The following CDH13 variants were observed in gnomAD, a reference collection of about 807,000 sequenced individuals.
CDH13 encodes cadherin 13.
A neutral mutation model predicts 63.8 loss-of-function variants in CDH13; 24 were observed. The ratio of observed to expected loss-of-function variants is 0.38; its 90% CI spans 0.27 to 0.53. CDH13 has a LOEUF of 0.53. Among genes scored for constraint, CDH13 ranks in the 20% least tolerant of loss-of-function variants. The pLI, the probability that CDH13 is intolerant of heterozygous loss-of-function variation, is 0.85. For missense variants in CDH13, 1,049 were observed against 903.1 expected, an observed-to-expected ratio of 1.16 and a Z score of -2.07; for synonymous variants, 503 against 355.3, an observed-to-expected ratio of 1.42 and a Z score of -4.67.
chr16:83,172,014 T>C (rs2037940316), intron 4 of CDH13, among the ~76,000 whole-genome samples: 1 of 152,112 alleles, frequency 6.6e-6, no homozygotes, highest in Non-Finnish European at 1.5e-5. Context: ...TCTACCAAAA[T>C]TCGTATGTTG....
At chr16:83,341,312 A>G (rs1255023834) in intron 5 of CDH13, among the ~76,000 whole-genome samples, 2 of 152,198 alleles carry the variant, frequency 1.3e-5, no homozygotes, top group Non-Finnish European at 2.9e-5. Flanking sequence ...ATACTGGAGG[A>G]TGCGCTGGAA....
At chr16:83,233,247 G>T (rs1300632698) in intron 5 of CDH13, among the ~76,000 whole-genome samples, 1 of 152,196 alleles carries the variant, frequency 6.6e-6, no homozygotes, top group Non-Finnish European at 1.5e-5. Flanking sequence ...TACCCTAGGA[G>T]TCTGTTTTGC....
chr16:83,506,629 G>C lies in CDH13; in HGVS notation c.960+19974G>C, dbSNP rs150205143. ...CACCTCATGGTACCCATGCTCCTGC[G>C]TGGTCCCCTCCCACATCGAATAGGA... On this transcript the variant is annotated intron_variant, in intron 7 of 13. Transcript: ENST00000567109. Among the ~76,000 whole-genome samples the C allele has an allele frequency of 5.3e-5, 8 of 152,306 alleles. No individual in the cohort carries two copies. The South Asian group carries it at 1.5e-3, about 28-fold the overall frequency.
chr16:82,794,691 A>T (rs1567542564), intron 1 of CDH13, among the ~76,000 whole-genome samples: 1 of 152,134 alleles, frequency 6.6e-6, no homozygotes, highest in Admixed American at 6.5e-5. Context: ...TTAGCCAAAC[A>T]CCCTATAAAT....
intron 1 of CDH13, among the ~76,000 whole-genome samples, chr16:82,717,610 GTC>G (rs1165408287): frequency 6.6e-6 from 1 of 152,110 alleles, no homozygotes; most frequent in Admixed American, 6.6e-5. Flanking sequence ...AGCCACATCA[GTC>G]TAGTCCCTGG....
At chr16:82,737,832 G>C (rs533917663) in intron 1 of CDH13, among the ~76,000 whole-genome samples, 1 of 152,084 alleles carries the variant, frequency 6.6e-6, no homozygotes, top group Non-Finnish European at 1.5e-5. Context: ...AAATTGCTCC[G>C]GTTTAATGTA....
intron 4 of CDH13, among the ~76,000 whole-genome samples, chr16:83,139,526 G>T (rs2036440742): frequency 6.6e-6 from 1 of 152,006 alleles, no homozygotes; most frequent in Non-Finnish European, 1.5e-5. Flanking sequence ...TCATTTATTT[G>T]ACAACTTGAA....
rs1159088065 is a variant in CDH13 at position 83,602,474 on chromosome 16, T to C, written c.981T>C (p.Tyr327=). The change falls in exon 8 of 14, where the codon TAT becomes TAC. Residue 327 remains tyrosine, a synonymous_variant. Transcript: ENST00000567109. ...TGTAGACTCTGGAAAATCCCAAGTA[T>C]GAACTGATCATCGAGGCTCAAGATA... The part of the protein sequence containing the change: ...LDRETLENPK[Y]ELIIEAQDMA... 1 of 1,613,844 alleles carries C rather than the reference T, an allele frequency of 6.2e-7. No individual in the cohort carries two copies. Among genetic ancestry groups the C allele is most frequent in the African/African-American group, 1.3e-5 (1 of 74,918 alleles).
At chr16:82,858,008 G>C (rs1294697412) in intron 1 of CDH13, among the ~76,000 whole-genome samples, 1 of 152,100 alleles carries the variant, frequency 6.6e-6, no homozygotes. Context: ...TTCTTTGCTT[G>C]TATAAAAATG....
At chr16:83,308,043 G>A (rs1041364225) in intron 5 of CDH13, among the ~76,000 whole-genome samples, 5 of 152,094 alleles carry the variant, frequency 3.3e-5, no homozygotes, top group African/African-American at 1.2e-4. Flanking sequence ...ACCTCAATCA[G>A]AAGCCAAATA....
At chr16:83,543,510 A>G (rs1328624721) in intron 7 of CDH13, among the ~76,000 whole-genome samples, 1 of 152,192 alleles carries the variant, frequency 6.6e-6, no homozygotes, top group Admixed American at 6.5e-5. Context: ...CTATTTAGCA[A>G]GTGCTGTGAT....
intron 10 of CDH13, among the ~76,000 whole-genome samples, chr16:83,706,760 C>A (rs1408254106): frequency 1.3e-5 from 2 of 152,142 alleles, no homozygotes; most frequent in African/African-American, 4.8e-5. Context: ...TTCAGGAATG[C>A]CGGAAAAAGC....
At chr16:83,216,451 C>T (rs1213399276) in intron 4 of CDH13, among the ~76,000 whole-genome samples, 3 of 26,588 alleles carry the variant, frequency 1.1e-4, no homozygotes, top group Non-Finnish European at 2.2e-4. Flanking sequence ...TATACACAAC[C>T]CTAATTTGAG....
chr16:83,338,068 C>T (rs1325783584), intron 5 of CDH13, among the ~76,000 whole-genome samples: 1 of 151,162 alleles, frequency 6.6e-6, no homozygotes. Flanking sequence ...GGACCAGGTC[C>T]TTAAATTTCT....
intron 11 of CDH13, among the ~76,000 whole-genome samples, chr16:83,749,245 G>C (rs1045008160): frequency 2.0e-5 from 3 of 152,194 alleles, no homozygotes; most frequent in African/African-American, 7.2e-5. Context: ...GGTGAACTAA[G>C]AGTTCTCAGT....
At chr16:83,097,569 C>A (rs2034268765) in intron 3 of CDH13, among the ~76,000 whole-genome samples, 1 of 152,118 alleles carries the variant, frequency 6.6e-6, no homozygotes, top group African/African-American at 2.4e-5. Flanking sequence ...ATATGGATGC[C>A]TGGGTGACAA....
At chr16:82,707,065 C>T (rs1486371783) in intron 1 of CDH13, among the ~76,000 whole-genome samples, 1 of 152,196 alleles carries the variant, frequency 6.6e-6, no homozygotes, top group African/African-American at 2.4e-5. Flanking sequence ...CGTGGACCAT[C>T]CCCTGTTTGG....
At chr16:82,776,022 C>T (rs1376934029) in intron 1 of CDH13, among the ~76,000 whole-genome samples, 1 of 152,110 alleles carries the variant, frequency 6.6e-6, no homozygotes, top group Non-Finnish European at 1.5e-5. Context: ...CCAGTCTGGC[C>T]AATGTGGCAA....
intron 2 of CDH13, among the ~76,000 whole-genome samples, chr16:82,923,759 G>A (rs944608574): frequency 6.6e-6 from 1 of 152,104 alleles, no homozygotes; most frequent in Admixed American, 6.5e-5. Flanking sequence ...CTCTTACTTC[G>A]CTTCCTCTTT....
Sources: allele counts gnomAD v4.1 joint callset (sites outside exome capture counted in the v4.1 genomes callset), GRCh38; gene constraint gnomAD v4.1.1; transcripts MANE v1.5; gene names NCBI Gene and HGNC (gene_info 2026-07-23, HGNC 2026-07-21).